TSHZ2: variants seen among roughly 807,000 people sequenced by gnomAD.
TSHZ2 encodes teashirt zinc finger homeobox 2.
A neutral mutation model predicts 74.4 loss-of-function variants in TSHZ2; 21 were observed. The observed-to-expected ratio is 0.28, with a 90% CI of 0.20 to 0.41. The LOEUF (loss-of-function observed/expected upper bound fraction) is 0.41. TSHZ2 is among the 10% of genes least tolerant of loss of function. The pLI is 1.00. For missense variants in TSHZ2, 1,244 were observed against 1,293.5 expected (o/e 0.96, Z 0.59); for synonymous variants, 540 against 515.3 (o/e 1.05, Z -0.65).
At chr20:53,064,834 G>A (rs530510091) in intron 1 of TSHZ2, among the ~76,000 whole-genome samples, 2 of 152,278 alleles carry the variant, frequency 1.3e-5, no homozygotes, top group African/African-American at 4.8e-5. Context: ...CTGCCTTTAA[G>A]ATATGATACT....
chr20:53,140,224 T>G (rs916045367), intron 1 of TSHZ2, among the ~76,000 whole-genome samples: 8 of 151,988 alleles, frequency 5.3e-5, no homozygotes, highest in African/African-American at 1.9e-4. Flanking sequence ...TAAAATATGT[T>G]AATAGAATAT....
chr20:53,139,600 G>C (rs907984861), intron 1 of TSHZ2, among the ~76,000 whole-genome samples: 3 of 152,206 alleles, frequency 2.0e-5, no homozygotes, highest in Non-Finnish European at 4.4e-5. Flanking sequence ...TTGCTTTTAA[G>C]TGGCAGTGAT....
chr20:53,079,440 G>T (rs972777657), intron 1 of TSHZ2, among the ~76,000 whole-genome samples: 1 of 152,204 alleles, frequency 6.6e-6, no homozygotes, highest in Non-Finnish European at 1.5e-5. Context: ...AATCTGCAGA[G>T]CAAGTGCAAA....
intron 1 of TSHZ2, among the ~76,000 whole-genome samples, chr20:53,192,562 G>T (rs1443087787): frequency 1.6e-5 from 2 of 127,276 alleles, no homozygotes; most frequent in African/African-American, 2.8e-5. Context: ...TTAGTGTCTG[G>T]AAAAAAAAAA....
At chr20:53,336,028 T>C (rs1443416548) in intron 2 of TSHZ2, among the ~76,000 whole-genome samples, 3 of 152,220 alleles carry the variant, frequency 2.0e-5, no homozygotes, top group Admixed American at 2.0e-4. Flanking sequence ...CAACCTGCAT[T>C]AAGCTTGGCA....
chr20:53,237,504 A>T (rs201838246), intron 1 of TSHZ2, among the ~76,000 whole-genome samples: 1 of 149,600 alleles, frequency 6.7e-6, no homozygotes, highest in African/African-American at 2.5e-5. Flanking sequence ...TCTCTGTGTG[A>T]GTGTGTGTGT....
rs149482370 is a variant in TSHZ2, at chr20:53,255,722, G to A, written c.2264G>A (p.Arg755His). 77 of 1,611,658 alleles carry A rather than the reference G, an allele frequency of 4.8e-5. No homozygotes were observed. Among genetic ancestry groups the A allele is most frequent in the Non-Finnish European group, 5.6e-5 (66 of 1,178,878 alleles). ...ACAAGGTCAGCCAGCGTGTCCAGGCGCTACCTGTTTGAGAACAGCGATCAG... is the reference window on the plus strand; with the variant it reads ...ACAAGGTCAGCCAGCGTGTCCAGGCACTACCTGTTTGAGAACAGCGATCAG... Reference protein sequence around the residue: ...ASTRSASVSRRYLFENSDQPI... With the variant: ...ASTRSASVSRHYLFENSDQPI... The change falls in exon 2 of 3, where the codon CGC (arginine) becomes CAC (histidine). Residue 755 changes from arginine to histidine, a missense_variant. Arg to His is a conservative substitution (Grantham distance 29). Around this residue, in one of 6 missense-constraint regions of TSHZ2, gnomAD observed 562 missense variants for 544.0 expected, o/e 1.03. Coordinates refer to ENST00000371497, the MANE Select transcript of TSHZ2 (RefSeq NM_173485.6). This position sits in a 1 kb window ranked among gnomAD's most constrained non-coding sequence, Gnocchi z 4.1.
chr20:53,153,694 A>G (rs1242634536), intron 1 of TSHZ2, among the ~76,000 whole-genome samples: 1 of 152,062 alleles, frequency 6.6e-6, no homozygotes, highest in Non-Finnish European at 1.5e-5. Flanking sequence ...TCAAGATGCA[A>G]ATTTCATGAA....
chr20:53,358,308 A>C (rs1980921348), intron 2 of TSHZ2, among the ~76,000 whole-genome samples: 1 of 150,480 alleles, frequency 6.6e-6, no homozygotes, highest in South Asian at 2.1e-4. Context: ...AGGCAGAAAA[A>C]AAAAAAAAGT....
At chr20:53,319,306 C>T (rs532762891) in intron 2 of TSHZ2, among the ~76,000 whole-genome samples, 1 of 152,330 alleles carries the variant, frequency 6.6e-6, no homozygotes, top group East Asian at 1.9e-4. Flanking sequence ...TTAGTGCTTA[C>T]TACAGGCCAG....
At chr20:53,411,140 G>T (rs1983041632) in intron 2 of TSHZ2, among the ~76,000 whole-genome samples, 1 of 152,138 alleles carries the variant, frequency 6.6e-6, no homozygotes, top group South Asian at 2.1e-4. Flanking sequence ...CTATAAGACG[G>T]GAAGTGGGGC....
At chr20:53,315,529 C>A (rs1446876960) in intron 2 of TSHZ2, among the ~76,000 whole-genome samples, 1 of 152,214 alleles carries the variant, frequency 6.6e-6, no homozygotes, top group East Asian at 1.9e-4. Context: ...GTTTGCCCAA[C>A]AAACCAAATT....
chr20:53,105,670 AG>A (rs1297458338), intron 1 of TSHZ2, among the ~76,000 whole-genome samples: 1 of 151,732 alleles, frequency 6.6e-6, no homozygotes, highest in Non-Finnish European at 1.5e-5. Flanking sequence ...TTTTTGAAAC[AG>A]GGACTTACAG....
At chr20:53,202,192 G>T (rs529013889) in intron 1 of TSHZ2, among the ~76,000 whole-genome samples, 5 of 152,124 alleles carry the variant, frequency 3.3e-5, no homozygotes, top group African/African-American at 1.2e-4. Flanking sequence ...GACCTTCCTC[G>T]GTGATTGGAG....
chr20:53,454,915 C>A (rs1237772373), intron 2 of TSHZ2, among the ~76,000 whole-genome samples: 1 of 152,192 alleles, frequency 6.6e-6, no homozygotes, highest in Non-Finnish European at 1.5e-5. Flanking sequence ...AGACCTCTCA[C>A]CCATTATGAC....
chr20:53,410,915 T>G (rs754747749), intron 2 of TSHZ2, among the ~76,000 whole-genome samples: 8 of 152,150 alleles, frequency 5.3e-5, no homozygotes, highest in Non-Finnish European at 1.2e-4. Flanking sequence ...CCTCATGTGA[T>G]CCACCTGCCT....
At position 53,275,097 on chromosome 20, in the gene TSHZ2, A is replaced by G. The variant is rs79262292; in HGVS notation, c.*8+18526A>G. ...AGAGAACATTCCTAACAATGGGGAAAAGTACCCTAATATAAATATACCATT... is the reference window on the plus strand; with the variant it reads ...AGAGAACATTCCTAACAATGGGGAAGAGTACCCTAATATAAATATACCATT... On this transcript the variant is annotated intron_variant, in intron 2 of 2. Transcript: ENST00000371497. Among the ~76,000 whole-genome samples, 461 of 152,294 alleles carry G rather than the reference A, an allele frequency of 3.0e-3. 4 individuals are homozygous for G. The highest frequency in any genetic ancestry group is 0.011 in the African/African-American group (447 of 41,556).
chr20:53,219,359 G>C (rs1482413683), intron 1 of TSHZ2, among the ~76,000 whole-genome samples: 1 of 152,092 alleles, frequency 6.6e-6, no homozygotes, highest in Non-Finnish European at 1.5e-5. Flanking sequence ...TGGCAGTGTT[G>C]CTTTTTTCTT....
chr20:53,351,568 T>C (rs997099469), intron 2 of TSHZ2, among the ~76,000 whole-genome samples: 1 of 152,230 alleles, frequency 6.6e-6, no homozygotes, highest in African/African-American at 2.4e-5. Context: ...TTTTGAAAGA[T>C]AAAATGTGGC....
Sources: gnomAD v4.1 joint callset for allele counts (sites outside exome capture counted in the v4.1 genomes callset) on GRCh38, gnomAD v4.1.1 for gene constraint, gnomAD v4.1.1 regional missense constraint, Gnocchi (gnomAD v3.1) non-coding constraint, MANE v1.5 for transcripts, NCBI Gene and HGNC (gene_info 2026-07-23, HGNC 2026-07-21) for gene names.